Variants in PIK3AP1 observed in about 807,000 individuals in gnomAD.
PIK3AP1 encodes the protein phosphoinositide 3-kinase adapter protein 1.
A neutral mutation model predicts 88.1 loss-of-function variants in PIK3AP1; 21 were observed. That is an observed-to-expected ratio of 0.24 (90% CI 0.17 to 0.34). The LOEUF is 0.34. PIK3AP1 is among the 10% of genes least tolerant of loss of function. The pLI is 1.00. For synonymous variants in PIK3AP1, 398 were observed against 400.0 expected (o/e 1.00, Z 0.06); for missense variants, 828 against 1,035.7 (o/e 0.80, Z 2.75).
Position 96,595,602 on chromosome 10 carries a change from G to A in PIK3AP1, c.2393C>T (p.Pro798Leu). Residue 798 changes from proline (P) to leucine (L), a missense_variant, in exon 17 of 17, where the codon CCA becomes CTA. Pro to Leu is a moderately conservative substitution (Grantham distance 98, BLOSUM62 -3). Coordinates refer to ENST00000339364, the MANE Select transcript of PIK3AP1 (RefSeq NM_152309.3). Reference sequence around the variant, plus strand: ...TCAGCGTCCTCTGGGTGGAACAGGTGGAGGAGGATGGAAGGTCTCCCTGGT... The same window carrying A: ...TCAGCGTCCTCTGGGTGGAACAGGTAGAGGAGGATGGAAGGTCTCCCTGGT... Reference protein sequence around the residue: ...PPTRETFHPPPPVPPRGR With the variant: ...PPTRETFHPPLPVPPRGR 2 of 1,613,342 alleles carry A rather than the reference G, an allele frequency of 1.2e-6. No individual in the cohort carries two copies. Among genetic ancestry groups the A allele is most frequent in the Non-Finnish European group, 1.7e-6 (2 of 1,179,746 alleles).
intron 2 of PIK3AP1, among the ~76,000 whole-genome samples, chr10:96,667,084 GGCACAT>G (rs1843774171): frequency 2.6e-5 from 4 of 152,234 alleles, no homozygotes; most frequent in Admixed American, 2.0e-4. Context: ...ATGGCAAATG[GGCACAT>G]TCCAAGGATG....
At chr10:96,622,137 C>T (rs575885370) in intron 11 of PIK3AP1, among the ~76,000 whole-genome samples, 1 of 152,364 alleles carries the variant, frequency 6.6e-6, no homozygotes, top group East Asian at 1.9e-4. Context: ...GAGACTGGAA[C>T]ATCAGTGGAA....
Position 96,685,557 on chromosome 10 carries a change from C to A in PIK3AP1, c.430+24010G>T, listed in dbSNP as rs78638801. Reference sequence around the variant, plus strand: ...TCCATTCACCATCTCAGTTACATCTCCCACAGCCCTGCGAGGTGTGCATTT... The same window carrying A: ...TCCATTCACCATCTCAGTTACATCTACCACAGCCCTGCGAGGTGTGCATTT... On this transcript the variant is annotated intron_variant, in intron 2 of 16. Transcript: ENST00000339364. 6.6e-5 allele frequency among the ~76,000 whole-genome samples: 10 copies of A among 152,322 alleles called. No homozygotes were observed. The East Asian group carries it at 1.9e-3, about 29-fold the overall frequency.
At chr10:96,698,716 G>A (rs1282188721) in intron 2 of PIK3AP1, among the ~76,000 whole-genome samples, 1 of 150,940 alleles carries the variant, frequency 6.6e-6, no homozygotes, top group Non-Finnish European at 1.5e-5. Flanking sequence ...TTGGGTGACA[G>A]AGAAAGACTC....
At chr10:96,623,774 T>C (rs993454011) in intron 10 of PIK3AP1, among the ~76,000 whole-genome samples, 5 of 152,152 alleles carry the variant, frequency 3.3e-5, no homozygotes, top group African/African-American at 4.8e-5. Flanking sequence ...TACAAGCTCA[T>C]TGAAGAAAAC....
intron 2 of PIK3AP1, among the ~76,000 whole-genome samples, chr10:96,674,794 G>A (rs773416056): frequency 7.9e-5 from 12 of 152,374 alleles, no homozygotes; most frequent in African/African-American, 1.7e-4. Flanking sequence ...TGATACCAGC[G>A]TGAACCAAGC....
intron 3 of PIK3AP1, 150 bp from the exon 4 acceptor site, chr10:96,652,992 G>A (rs1227985270): frequency 1.2e-6 from 1 of 821,982 alleles, no homozygotes; most frequent in Non-Finnish European, 1.8e-6. Flanking sequence ...GCTGGGCAGT[G>A]AACTGTTTGC....
intron 1 of PIK3AP1, 109 bp from the exon 2 acceptor site, chr10:96,710,092 C>CT (rs1370003553): frequency 8.9e-7 from 1 of 1,117,806 alleles, no homozygotes; most frequent in African/African-American, 1.6e-5. Context: ...CACCCACAAT[C>CT]TTTCGTGGTG....
intron 1 of PIK3AP1, among the ~76,000 whole-genome samples, chr10:96,712,944 T>C (rs938275799): frequency 6.6e-6 from 1 of 152,182 alleles, no homozygotes; most frequent in African/African-American, 2.4e-5. Context: ...GAAGGGATGG[T>C]TGTGGTCCCA....
chr10:96,599,353 G>A (rs1403405956), intron 16 of PIK3AP1, among the ~76,000 whole-genome samples: 1 of 152,138 alleles, frequency 6.6e-6, no homozygotes, highest in Non-Finnish European at 1.5e-5. Flanking sequence ...AGATATTGGT[G>A]GGGTCCCTGA....
intron 13 of PIK3AP1, 84 bp downstream of exon 13, chr10:96,616,555 C>T: frequency 6.8e-7 from 1 of 1,461,862 alleles, no homozygotes; most frequent in Non-Finnish European, 9.6e-7. Flanking sequence ...GGTCTGCCCA[C>T]TCAGGCCACA....
chr10:96,651,168 C>T (rs1406602055), intron 6 of PIK3AP1, 80 bp downstream of exon 6: 50 of 1,559,616 alleles, frequency 3.2e-5, no homozygotes, highest in Middle Eastern at 3.4e-4. Flanking sequence ...AGAAGGTAAA[C>T]GCGTATGTTG....
chr10:96,669,064 G>A (rs1032755325), intron 2 of PIK3AP1, among the ~76,000 whole-genome samples: 39 of 152,220 alleles, frequency 2.6e-4, no homozygotes, highest in African/African-American at 9.1e-4. Flanking sequence ...CTCGGGAAGC[G>A]GAGGCTGCAG....
intron 2 of PIK3AP1, among the ~76,000 whole-genome samples, chr10:96,678,902 G>A (rs1448577328): frequency 2.0e-5 from 3 of 152,016 alleles, no homozygotes; most frequent in East Asian, 1.9e-4. Flanking sequence ...AGAGGAGAGC[G>A]ACCCACTAAT....
Position 96,709,981 on chromosome 10 carries a change from C to T in PIK3AP1, c.16G>A (p.Val6Met). The T allele has an allele frequency of 6.3e-7, 1 of 1,577,354 alleles. No individual in the cohort carries two copies. ...ATGAGGATGTCGCATCCTCTGGGCA[C>T]CCCTGGACAAGAATGAGGCACAGAA... MAASGVPRGCDILIVY... is the reference protein window; with the variant it reads MAASGMPRGCDILIVY... Residue 6 changes from valine (V) to methionine (M), a missense_variant and splice_region_variant, in exon 2 of 17, where the codon GTG (valine) becomes ATG (methionine). Physicochemically the swap from Val to Met is conservative, Grantham distance 21 (BLOSUM62 1). This residue lies in a region of PIK3AP1 where 610 missense variants were observed against 760.1 expected (regional missense o/e 0.80). Coordinates refer to ENST00000339364, the MANE Select transcript of PIK3AP1 (RefSeq NM_152309.3).
chr10:96,669,419 A>G (rs557050653), intron 2 of PIK3AP1: 1 of 152,248 alleles, frequency 6.6e-6, no homozygotes, highest in Non-Finnish European at 1.5e-5. Flanking sequence ...ATCCCACAGG[A>G]GAATTCCAGA....
rs3979626 is a variant in PIK3AP1 at position 96,612,982 on chromosome 10, ATTTTTTTTTTTTTTTTTTT to A, written c.2015-3134_2015-3116del. Among the ~76,000 whole-genome samples the A allele has an allele frequency of 1.8e-3, 63 of 34,776 alleles. No homozygotes were observed. The East Asian group carries it at 0.025, about 14-fold the overall frequency. 22.8% of individuals were successfully genotyped at this position (34,776 alleles called of 152,430 possible). A position where few individuals can be genotyped will look rare whatever the true frequency, so the allele number is the denominator to read the frequency against. On this transcript the variant is annotated intron_variant, in intron 13 of 16. Transcript: ENST00000339364. ...TATATATATATATATATATATATAT[ATTTTTTTTTTTTTTTTTTT>A]TTTTTTTTTTTTTTTGAGACAGAGT...
intron 10 of PIK3AP1, among the ~76,000 whole-genome samples, chr10:96,624,456 T>C (rs1198158985): frequency 1.3e-5 from 2 of 152,316 alleles, no homozygotes; most frequent in East Asian, 1.9e-4. Flanking sequence ...AGTATTAGTA[T>C]GTATTATTAG....
At chr10:96,645,735 C>T in intron 7 of PIK3AP1, 73 bp from the exon 8 acceptor site, 2 of 1,333,864 alleles carry the variant, frequency 1.5e-6, no homozygotes, top group African/African-American at 1.5e-5. Flanking sequence ...CCCCCGAAGG[C>T]ACTTGTGGCC....
Sources: allele counts gnomAD v4.1 joint callset (sites outside exome capture counted in the v4.1 genomes callset), GRCh38; gene constraint gnomAD v4.1.1; regional missense constraint gnomAD v4.1.1; transcripts MANE v1.5; gene names NCBI Gene and HGNC (gene_info 2026-07-23, HGNC 2026-07-21).